SHISA9: variants seen among roughly 807,000 people sequenced by gnomAD.
SHISA9 encodes protein shisa-9.
In SHISA9, 13 loss-of-function variants were observed where a neutral mutation model predicts 38.0. That is an observed-to-expected ratio of 0.34 (90% CI 0.22 to 0.54). The LOEUF (loss-of-function observed/expected upper bound fraction) is 0.54, where lower values mean the gene tolerates loss of function less well. Among genes scored for constraint, SHISA9 ranks in the 20% least tolerant of loss-of-function variants. SHISA9 has a pLI of 0.91. For synonymous variants in SHISA9, 275 were observed against 242.0 expected, an observed-to-expected ratio of 1.14 and a Z score of -1.27; for missense variants, 538 against 575.8, an observed-to-expected ratio of 0.93 and a Z score of 0.67.
the SHISA9 span, among the ~76,000 whole-genome samples, chr16:13,526,796 A>G: frequency 2.0e-5 from 3 of 151,918 alleles, no homozygotes; most frequent in African/African-American, 7.3e-5. Context: ...TAATGCATGG[A>G]CTCCACCCCT....
At chr16:13,016,330 A>G (rs2072756900) in intron 2 of SHISA9, among the ~76,000 whole-genome samples, 2 of 152,088 alleles carry the variant, frequency 1.3e-5, no homozygotes, top group African/African-American at 4.8e-5. Flanking sequence ...CTGATGCTTT[A>G]ACCTGGAAAG....
chr16:13,557,425 C>T, the SHISA9 span, among the ~76,000 whole-genome samples: 2 of 152,132 alleles, frequency 1.3e-5, no homozygotes, highest in African/African-American at 4.8e-5. Context: ...GAAGCTCAGC[C>T]TGGTGAATAA....
chr16:13,329,678 C>A, the SHISA9 span, among the ~76,000 whole-genome samples: 1 of 152,156 alleles, frequency 6.6e-6, no homozygotes, highest in Admixed American at 6.5e-5. Context: ...GAATAACATG[C>A]CCAGGACAAC....
the SHISA9 span, among the ~76,000 whole-genome samples, chr16:13,395,479 G>A: frequency 3.3e-5 from 5 of 152,228 alleles, no homozygotes; most frequent in African/African-American, 7.2e-5. Context: ...CCGACATTAA[G>A]GGACTGAGCC....
intron 2 of SHISA9, among the ~76,000 whole-genome samples, chr16:12,932,630 A>G (rs1019642197): frequency 6.6e-6 from 1 of 152,212 alleles, no homozygotes; most frequent in Non-Finnish European, 1.5e-5. Context: ...GGTGTGAGCC[A>G]CTGTGCCTGC....
At chr16:13,012,153 C>G (rs548919692) in intron 2 of SHISA9, among the ~76,000 whole-genome samples, 27 of 152,092 alleles carry the variant, frequency 1.8e-4, no homozygotes. Flanking sequence ...TTTTAAGGTT[C>G]CACATATAAG....
intron 4 of SHISA9, among the ~76,000 whole-genome samples, chr16:13,230,764 T>G (rs529860852): frequency 1.3e-5 from 2 of 152,336 alleles, no homozygotes; most frequent in African/African-American, 4.8e-5. Context: ...CCCTGAGGGC[T>G]GCTGGTTACT....
chr16:13,059,850 G>A (rs1438908292), intron 2 of SHISA9, among the ~76,000 whole-genome samples: 2 of 152,120 alleles, frequency 1.3e-5, no homozygotes, highest in Non-Finnish European at 2.9e-5. Flanking sequence ...GACACAGGGA[G>A]AAGGCAGCCA....
At chr16:13,538,419 C>T in the SHISA9 span, among the ~76,000 whole-genome samples, 2 of 152,204 alleles carry the variant, frequency 1.3e-5, no homozygotes, top group African/African-American at 4.8e-5. Context: ...AGTAGACAAT[C>T]TCTTCAAAGC....
chr16:13,187,037 T>C (rs895751789), intron 2 of SHISA9, among the ~76,000 whole-genome samples: 4 of 152,258 alleles, frequency 2.6e-5, no homozygotes, highest in Admixed American at 2.6e-4. Flanking sequence ...TGAACACGGG[T>C]CTACAAATAC....
the SHISA9 span, among the ~76,000 whole-genome samples, chr16:13,469,429 A>AAG: frequency 5.0e-4 from 65 of 130,940 alleles, 1 homozygote; most frequent in African/African-American, 1.9e-3. Context: ...AAGAAAAAGA[A>AAG]AGAAAGAGAA....
At chr16:13,481,702 A>T in the SHISA9 span, among the ~76,000 whole-genome samples, 315 of 152,332 alleles carry the variant, frequency 2.1e-3, 4 homozygotes, top group Non-Finnish European at 4.6e-4. Flanking sequence ...GAATGAATGA[A>T]TGAGTGAATG....
intron 1 of SHISA9, among the ~76,000 whole-genome samples, chr16:12,903,677 C>A (rs1018902858): frequency 1.3e-5 from 2 of 152,074 alleles, no homozygotes; most frequent in Non-Finnish European, 2.9e-5. Context: ...TAGCGGCCTG[C>A]GAACAGCTGG....
At chr16:13,399,301 GTCCT>G in the SHISA9 span, among the ~76,000 whole-genome samples, 1 of 151,796 alleles carries the variant, frequency 6.6e-6, no homozygotes, top group East Asian at 1.9e-4. Flanking sequence ...TAAGACCTGG[GTCCT>G]TCCTTCTAAG....
chr16:12,972,807 A>T (rs1342948364), intron 2 of SHISA9, among the ~76,000 whole-genome samples: 1 of 152,118 alleles, frequency 6.6e-6, no homozygotes, highest in East Asian at 1.9e-4. Flanking sequence ...AAGATTGGGT[A>T]ATGCTTTTTT....
the SHISA9 span, among the ~76,000 whole-genome samples, chr16:13,351,461 G>A: frequency 3.2e-4 from 48 of 152,268 alleles, no homozygotes; most frequent in African/African-American, 6.7e-4. Context: ...GACTGTCAAC[G>A]TGCAAAGGAG....
intron 2 of SHISA9, among the ~76,000 whole-genome samples, chr16:12,988,092 C>T (rs143096410): frequency 1.3e-5 from 2 of 152,324 alleles, no homozygotes; most frequent in East Asian, 3.9e-4. Context: ...CCAGATTCTT[C>T]ACCATATCCC....
At chr16:13,354,656 C>T in the SHISA9 span, among the ~76,000 whole-genome samples, 2 of 150,248 alleles carry the variant, frequency 1.3e-5, no homozygotes, top group African/African-American at 2.4e-5. Context: ...GCAGCCGCTG[C>T]ACGCACACAT....
chr16:13,031,733 A>T (rs2072993646), intron 2 of SHISA9, among the ~76,000 whole-genome samples: 1 of 152,244 alleles, frequency 6.6e-6, no homozygotes, highest in East Asian at 1.9e-4. Flanking sequence ...CATATGAGAC[A>T]GTTCTGTTAC....
Sources: gnomAD v4.1 joint callset for allele counts (sites outside exome capture counted in the v4.1 genomes callset) on GRCh38, gnomAD v4.1.1 for gene constraint, MANE v1.5 for transcripts, NCBI Gene and HGNC (gene_info 2026-07-23, HGNC 2026-07-21) for gene names.